Variants in TLL2 observed in about 807,000 individuals in gnomAD.
TLL2 encodes tolloid like 2, also known as tolloid-like protein 2.
Under a neutral mutation model 123.0 loss-of-function variants are expected in TLL2, and 106 were observed. That is an observed-to-expected ratio of 0.86 (90% CI 0.74 to 1.01). The LOEUF is 1.01. Among genes scored for constraint, TLL2 ranks in the 50% least tolerant of loss-of-function variants. The pLI, the probability that TLL2 is intolerant of heterozygous loss-of-function variation, is 0.00. For synonymous variants in TLL2, 494 were observed against 516.8 expected (o/e 0.96, Z 0.60); for missense variants, 1,332 against 1,336.7 (o/e 1.00, Z 0.06).
Position 96,424,417 on chromosome 10 carries a change from G to A in TLL2, c.639-1690C>T, listed in dbSNP as rs184040069. On this transcript the variant is annotated intron_variant, in intron 5 of 20. Coordinates refer to ENST00000357947, the MANE Select transcript of TLL2 (RefSeq NM_012465.4). ...TTGCATGCCTGTATCAAAACATCTC[G>A]GGTACCCAACAAATATATACACCTA... 4.0e-3 allele frequency among the ~76,000 whole-genome samples: 602 copies of A among 152,118 alleles called. 6 individuals are homozygous for A. The highest frequency in any genetic ancestry group is 0.014 in the African/African-American group (575 of 41,502).
At position 96,441,224 on chromosome 10, in the gene TLL2, G is replaced by A. The variant is rs540853064; in HGVS notation, c.364+4867C>T. On this transcript the variant is annotated intron_variant, in intron 3 of 20. Coordinates refer to ENST00000357947, the MANE Select transcript of TLL2 (RefSeq NM_012465.4). ...GTGCAATTTTTAGATTAGGCAATTGGTCATTCCCACACGGGAAGTAAACAC... is the reference window on the plus strand; with the variant it reads ...GTGCAATTTTTAGATTAGGCAATTGATCATTCCCACACGGGAAGTAAACAC... Among the ~76,000 whole-genome samples, 14 of 152,296 alleles carry A rather than the reference G, an allele frequency of 9.2e-5. 1 individual carries two copies. The highest frequency in any genetic ancestry group is 3.1e-4 in the African/African-American group (13 of 41,550).
At chr10:96,417,011 G>C (rs189421972) in intron 7 of TLL2, among the ~76,000 whole-genome samples, 129 of 152,312 alleles carry the variant, frequency 8.5e-4, no homozygotes, top group Non-Finnish European at 1.8e-4. Flanking sequence ...TCCAACCAAG[G>C]GGGAGGGGAG....
intron 5 of TLL2, 133 bp downstream of exon 5, chr10:96,428,498 A>G (rs1846700943): frequency 1.6e-6 from 1 of 636,346 alleles, no homozygotes. Context: ...CACCAAGGGC[A>G]GAAAGTTTCT....
intron 1 of TLL2, among the ~76,000 whole-genome samples, chr10:96,496,310 G>T (rs1847474647): frequency 6.6e-6 from 1 of 152,198 alleles, no homozygotes; most frequent in African/African-American, 2.4e-5. Flanking sequence ...AGACCTATTT[G>T]CCACCTATGC....
chr10:96,497,673 G>A (rs1360228798), intron 1 of TLL2, among the ~76,000 whole-genome samples: 1 of 152,160 alleles, frequency 6.6e-6, no homozygotes, highest in Non-Finnish European at 1.5e-5. Context: ...TCACCACAGG[G>A]ATAATGGGCT....
intron 2 of TLL2, among the ~76,000 whole-genome samples, chr10:96,470,223 G>A (rs1218654581): frequency 6.6e-6 from 1 of 152,234 alleles, no homozygotes; most frequent in Non-Finnish European, 1.5e-5. Flanking sequence ...CTGAGCCTGA[G>A]AATTTCTCTT....
chr10:96,511,421 G>A (rs905812932), intron 1 of TLL2, among the ~76,000 whole-genome samples: 1 of 152,214 alleles, frequency 6.6e-6, no homozygotes, highest in African/African-American at 2.4e-5. Context: ...CTTAGCATCA[G>A]TGTAGCCCAG....
chr10:96,463,313 T>A (rs1322998522), intron 2 of TLL2, among the ~76,000 whole-genome samples: 5 of 152,118 alleles, frequency 3.3e-5, no homozygotes, highest in African/African-American at 1.2e-4. Context: ...AAGCCAGCTC[T>A]CAAGACCCAA....
intron 4 of TLL2, among the ~76,000 whole-genome samples, chr10:96,429,527 T>C (rs1846715872): frequency 6.6e-6 from 1 of 152,214 alleles, no homozygotes; most frequent in Non-Finnish European, 1.5e-5. Flanking sequence ...CAAAATATCC[T>C]GGGCTTCCCA....
intron 18 of TLL2, 36 bp downstream of exon 18, chr10:96,376,656 A>G: frequency 6.2e-7 from 1 of 1,606,682 alleles, no homozygotes. Flanking sequence ...CTGATACTCA[A>G]GTCCACATTC....
intron 2 of TLL2, among the ~76,000 whole-genome samples, chr10:96,468,970 C>A (rs1847154001): frequency 6.6e-6 from 1 of 152,230 alleles, no homozygotes; most frequent in Admixed American, 6.5e-5. Context: ...TTTTTCCTTC[C>A]CAAAGAGCAG....
intron 2 of TLL2, among the ~76,000 whole-genome samples, chr10:96,456,965 G>A (rs1237253138): frequency 6.6e-6 from 1 of 152,196 alleles, no homozygotes; most frequent in African/African-American, 2.4e-5. Flanking sequence ...TAGAACATAG[G>A]AGGGAAACAA....
chr10:96,379,609 G>A (rs1589406045), intron 16 of TLL2, among the ~76,000 whole-genome samples: 1 of 152,088 alleles, frequency 6.6e-6, no homozygotes, highest in African/African-American at 2.4e-5. Flanking sequence ...ATCACCTGAG[G>A]TTGGGAGTTC....
chr10:96,509,081 A>G (rs571777092), intron 1 of TLL2, among the ~76,000 whole-genome samples: 1 of 152,292 alleles, frequency 6.6e-6, no homozygotes, highest in African/African-American at 2.4e-5. Context: ...CCACATGGAG[A>G]AGCCACCTAT....
intron 6 of TLL2, among the ~76,000 whole-genome samples, chr10:96,421,376 ACT>A (rs1209985608): frequency 2.6e-5 from 4 of 151,916 alleles, no homozygotes; most frequent in Non-Finnish European, 4.4e-5. Context: ...AAAATAAAAA[ACT>A]CTGGGCCAGG....
chr10:96,468,469 T>C (rs1056942655), intron 2 of TLL2, among the ~76,000 whole-genome samples: 22 of 152,180 alleles, frequency 1.4e-4, no homozygotes, highest in African/African-American at 5.3e-4. Context: ...CTCCAATTCC[T>C]AGTCCAGTCC....
chr10:96,494,408 C>G (rs1215138641), intron 1 of TLL2, among the ~76,000 whole-genome samples: 1 of 152,252 alleles, frequency 6.6e-6, no homozygotes, highest in Non-Finnish European at 1.5e-5. Flanking sequence ...CCCTGACCTT[C>G]CTGGTCCATC....
intron 18 of TLL2, chr10:96,374,613 G>A (rs550299964): frequency 6.6e-6 from 1 of 152,340 alleles, no homozygotes; most frequent in South Asian, 2.1e-4. Context: ...ATGCAGATGG[G>A]GAAAATGAGT....
intron 20 of TLL2, among the ~76,000 whole-genome samples, chr10:96,369,741 C>T (rs544052992): frequency 6.9e-6 from 1 of 145,708 alleles, no homozygotes; most frequent in East Asian, 2.0e-4. Context: ...AGCAAGACTC[C>T]GTCTCGGGGG....
Sources: gnomAD v4.1 joint callset for allele counts (sites outside exome capture counted in the v4.1 genomes callset) on GRCh38, gnomAD v4.1.1 for gene constraint, MANE v1.5 for transcripts, NCBI Gene and HGNC (gene_info 2026-07-23, HGNC 2026-07-21) for gene names.